Variants in IKZF2 observed in about 807,000 individuals in gnomAD.
IKZF2 encodes the protein IKAROS family zinc finger 2.
IKZF2 carries 15 observed loss-of-function variants against 49.2 expected under a neutral mutation model. The observed-to-expected ratio is 0.30, with a 90% CI of 0.20 to 0.47. The LOEUF (loss-of-function observed/expected upper bound fraction) is 0.47, where lower values mean the gene tolerates loss of function less well. IKZF2 is among the 20% of genes least tolerant of loss of function. IKZF2 has a pLI of 1.00. For synonymous variants in IKZF2, 227 were observed against 221.4 expected, an observed-to-expected ratio of 1.03 and a Z score of -0.23; for missense variants, 567 against 664.6, an observed-to-expected ratio of 0.85 and a Z score of 1.61.
At chr2:213,030,781 CAAAA>C (rs200332531) in intron 6 of IKZF2, among the ~76,000 whole-genome samples, 1 of 140,566 alleles carries the variant, frequency 7.1e-6, no homozygotes, top group African/African-American at 2.6e-5. Context: ...ATAAAAGAGG[CAAAA>C]AAAAAGCCAG....
chr2:213,098,547 G>A (rs145647649), intron 4 of IKZF2, among the ~76,000 whole-genome samples: 91 of 151,994 alleles, frequency 6.0e-4, no homozygotes, highest in African/African-American at 2.0e-3. Flanking sequence ...TTCTGAATCT[G>A]AAGAAAACAA....
intron 6 of IKZF2, among the ~76,000 whole-genome samples, chr2:213,026,353 CTA>C (rs1256679136): frequency 6.6e-6 from 1 of 152,142 alleles, no homozygotes; most frequent in Non-Finnish European, 1.5e-5. Context: ...CTCTATCATT[CTA>C]TCTTATATTA....
At chr2:213,148,740 T>C in intron 2 of IKZF2, 96 bp from the exon 3 acceptor site, 1 of 955,388 alleles carries the variant, frequency 1.0e-6, no homozygotes, top group Non-Finnish European at 1.7e-6. Flanking sequence ...AGTTAGTCCA[T>C]GTTGCTGCTG....
intron 7 of IKZF2, among the ~76,000 whole-genome samples, chr2:213,019,330 T>C (rs1696949535): frequency 6.6e-6 from 1 of 152,096 alleles, no homozygotes; most frequent in Non-Finnish European, 1.5e-5. Context: ...ATAAATAACA[T>C]ACAGCAAGAG....
chr2:213,022,962 G>T (rs555530426), intron 6 of IKZF2, among the ~76,000 whole-genome samples: 2 of 152,076 alleles, frequency 1.3e-5, no homozygotes, highest in East Asian at 3.9e-4. Context: ...AAACAAAGAA[G>T]AAAAATATAA....
chr2:213,013,716 T>C, intron 8 of IKZF2, 75 bp downstream of exon 8: 1 of 1,312,154 alleles, frequency 7.6e-7, no homozygotes, highest in Non-Finnish European at 1.1e-6. Flanking sequence ...ACCATATATA[T>C]TTCTAATACA....
intron 4 of IKZF2, among the ~76,000 whole-genome samples, chr2:213,120,105 A>T (rs1457874164): frequency 6.6e-6 from 1 of 152,220 alleles, no homozygotes; most frequent in Non-Finnish European, 1.5e-5. Flanking sequence ...TCATTTGTTC[A>T]TAAAACAATG....
chr2:213,124,252 G>GCGCGCGCA (rs1270409984), intron 4 of IKZF2, among the ~76,000 whole-genome samples: 3 of 136,236 alleles, frequency 2.2e-5, no homozygotes, highest in African/African-American at 8.1e-5. Flanking sequence ...GCGCGCGCGC[G>GCGCGCGCA]CACACACACA....
chr2:213,102,856 A>T (rs901580532), intron 4 of IKZF2, among the ~76,000 whole-genome samples: 12 of 152,120 alleles, frequency 7.9e-5, no homozygotes, highest in African/African-American at 2.9e-4. Context: ...GCATGAAGGC[A>T]TCAAGAGGAA....
intron 4 of IKZF2, among the ~76,000 whole-genome samples, chr2:213,062,265 C>T (rs1701765037): frequency 6.6e-6 from 1 of 151,544 alleles, no homozygotes; most frequent in South Asian, 2.1e-4. Context: ...AAACTTTCTA[C>T]AAGTTAAAAC....
intron 6 of IKZF2, among the ~76,000 whole-genome samples, chr2:213,047,903 C>A (rs192339539): frequency 6.6e-6 from 1 of 151,368 alleles, no homozygotes; most frequent in Non-Finnish European, 1.5e-5. Context: ...CTTATTTAGC[C>A]GATGTGCTAA....
intron 4 of IKZF2, among the ~76,000 whole-genome samples, chr2:213,108,963 T>C (rs1424999614): frequency 6.6e-6 from 1 of 152,082 alleles, no homozygotes. Context: ...TCTTTACATA[T>C]TTGAGATCCT....
intron 4 of IKZF2, among the ~76,000 whole-genome samples, chr2:213,110,410 GT>G (rs568585395): frequency 6.7e-6 from 1 of 149,614 alleles, no homozygotes; most frequent in Non-Finnish European, 1.5e-5. Context: ...CATTTCTGGG[GT>G]TTTTTTTACC....
chr2:213,129,208 G>C (rs137889798), intron 4 of IKZF2, among the ~76,000 whole-genome samples: 241 of 151,648 alleles, frequency 1.6e-3, no homozygotes, highest in Middle Eastern at 6.8e-3. Context: ...TTCCTCAACT[G>C]TGTGTTGGGA....
chr2:213,043,961 T>C (rs1055197903), intron 6 of IKZF2, among the ~76,000 whole-genome samples: 1 of 152,254 alleles, frequency 6.6e-6, no homozygotes, highest in Admixed American at 6.5e-5. Context: ...TCTGTTTGGC[T>C]GCCATAGCCA....
At chr2:213,069,964 C>G (rs1189070882) in intron 4 of IKZF2, among the ~76,000 whole-genome samples, 4 of 151,994 alleles carry the variant, frequency 2.6e-5, no homozygotes, top group Non-Finnish European at 4.4e-5. Flanking sequence ...TACCTAGTGG[C>G]AAGGTAGCCT....
intron 4 of IKZF2, among the ~76,000 whole-genome samples, chr2:213,080,209 T>G (rs959821131): frequency 3.5e-5 from 2 of 56,766 alleles, no homozygotes; most frequent in South Asian, 1.0e-3. Context: ...TAGATAGATA[T>G]GGATATCTTG....
chr2:213,021,583 T>A (rs1271783975), intron 7 of IKZF2: 8 of 342,712 alleles, frequency 2.3e-5, no homozygotes, highest in African/African-American at 1.8e-4. Context: ...AAATCAGTAA[T>A]TTCTCATAAA....
At chr2:213,148,721 G>A in intron 2 of IKZF2, 77 bp from the exon 3 acceptor site, 3 of 1,240,516 alleles carry the variant, frequency 2.4e-6, no homozygotes, top group Non-Finnish European at 3.5e-6. Flanking sequence ...CTTATTTGAA[G>A]CTCCAAGCAG....
Sources: allele counts gnomAD v4.1 joint callset (sites outside exome capture counted in the v4.1 genomes callset), GRCh38; gene constraint gnomAD v4.1.1; transcripts MANE v1.5; gene names NCBI Gene and HGNC (gene_info 2026-07-23, HGNC 2026-07-21).